Variants in TUT4 observed in about 807,000 individuals in gnomAD.
The protein encoded by TUT4 is terminal uridylyl transferase 4.
Under a neutral mutation model 192.2 loss-of-function variants are expected in TUT4, and 36 were observed. The observed-to-expected ratio is 0.19, with a 90% CI of 0.14 to 0.25. The LOEUF is 0.25. Among genes scored for constraint, TUT4 ranks in the 10% least tolerant of loss-of-function variants. TUT4 has a pLI of 1.00. For synonymous variants in TUT4, 618 were observed against 666.0 expected (o/e 0.93, Z 1.11); for missense variants, 1,493 against 1,957.2 (o/e 0.76, Z 4.47).
At position 52,445,800 on chromosome 1, in the gene TUT4, A is replaced by G. The variant is rs138145860; in HGVS notation, c.3809T>C (p.Ile1270Thr). ...KLFGTPFYPL[I>T]GREAEYFFDS... ...ATGTAAACTTACAGCTTCTCTGCCA[A>G]TGAGTGGATAAAAAGGGGTACCAAA... Residue 1270 changes from isoleucine to threonine, a missense_variant, in exon 24 of 30, where the codon ATT (isoleucine) becomes ACT (threonine). Transcript: ENST00000257177. 42 of 1,609,492 alleles carry G rather than the reference A, an allele frequency of 2.6e-5. 1 individual carries two copies. The East Asian group carries it at 9.2e-4, about 35-fold the overall frequency.
At chr1:52,498,286 G>T (rs891908761) in intron 4 of TUT4, among the ~76,000 whole-genome samples, 2 of 136,682 alleles carry the variant, frequency 1.5e-5, no homozygotes, top group Admixed American at 8.0e-5. Context: ...CTGTCGCCCC[G>T]GCTGGAGTGC....
intron 4 of TUT4, among the ~76,000 whole-genome samples, chr1:52,498,435 G>A (rs964526067): frequency 6.6e-6 from 1 of 151,622 alleles, no homozygotes; most frequent in Non-Finnish European, 1.5e-5. Context: ...TAGTAGAGAT[G>A]GGGTTTCACC....
Position 52,458,460 on chromosome 1 carries a change from A to G in TUT4, c.3322-11T>C. The stretch of plus-strand genomic sequence containing the variant: ...CCCAATGTCACATCGCTAAAAAACA[A>G]CATGATTGAAAACAAAACTTCAGAG... On this transcript the variant is annotated splice_polypyrimidine_tract_variant and intron_variant, in intron 19 of 29. Coordinates refer to ENST00000257177, the MANE Select transcript of TUT4 (RefSeq NM_001009881.3). 2 of 1,597,840 alleles carry G rather than the reference A, an allele frequency of 1.3e-6. No individual in the cohort carries two copies. Among genetic ancestry groups the G allele is most frequent in the Non-Finnish European group, 1.7e-6 (2 of 1,167,648 alleles).
At chr1:52,430,027 T>G (rs898250003) in intron 28 of TUT4, among the ~76,000 whole-genome samples, 50 of 150,296 alleles carry the variant, frequency 3.3e-4, no homozygotes, top group African/African-American at 5.6e-4. Context: ...AAATATGCAG[T>G]TTTTTTTTAA....
intron 1 of TUT4, chr1:52,529,872 C>CTCTG (rs1338159867): frequency 6.6e-6 from 1 of 152,144 alleles, no homozygotes; most frequent in Non-Finnish European, 1.5e-5. Context: ...CATGGTCTTG[C>CTCTG]TCTGTCGTTC....
chr1:52,504,711 T>C (rs971203804), intron 4 of TUT4, among the ~76,000 whole-genome samples: 2 of 151,742 alleles, frequency 1.3e-5, no homozygotes, highest in African/African-American at 4.8e-5. Context: ...AAATGCAAAA[T>C]CAAAACTATC....
At chr1:52,497,532 GA>G (rs1156816343) in intron 4 of TUT4, among the ~76,000 whole-genome samples, 1 of 152,218 alleles carries the variant, frequency 6.6e-6, no homozygotes, top group African/African-American at 2.4e-5. Flanking sequence ...AGATGTAGCA[GA>G]AAAGTCTTGA....
chr1:52,551,703 C>T (rs544762755), intron 1 of TUT4, among the ~76,000 whole-genome samples: 10 of 152,366 alleles, frequency 6.6e-5, no homozygotes, highest in African/African-American at 2.4e-4. Context: ...CACACATACA[C>T]ACACACACAC....
intron 24 of TUT4, among the ~76,000 whole-genome samples, chr1:52,444,666 T>C (rs115588023): frequency 0.022 from 3,218 of 149,286 alleles, 109 homozygotes; most frequent in African/African-American, 0.074. Flanking sequence ...CATAATTTAA[T>C]CATCTTCCAG....
At chr1:52,443,198 G>T (rs1406085271) in intron 24 of TUT4, among the ~76,000 whole-genome samples, 2 of 151,302 alleles carry the variant, frequency 1.3e-5, no homozygotes, top group Non-Finnish European at 2.9e-5. Context: ...CAGGAGAATC[G>T]CTTGAACCTG....
At chr1:52,501,096 A>G (rs1478432201) in intron 4 of TUT4, among the ~76,000 whole-genome samples, 1 of 152,238 alleles carries the variant, frequency 6.6e-6, no homozygotes, top group Non-Finnish European at 1.5e-5. Context: ...CAAAAGTAAA[A>G]GCAGATAAAT....
chr1:52,520,918 G>A (rs758581393), intron 2 of TUT4, among the ~76,000 whole-genome samples: 9 of 151,364 alleles, frequency 5.9e-5, no homozygotes, highest in Admixed American at 2.0e-4. Flanking sequence ...TCAGCCTCCC[G>A]AGTAGCTGGT....
At chr1:52,450,975 CAG>C (rs1553165350) in intron 20 of TUT4, among the ~76,000 whole-genome samples, 1 of 152,024 alleles carries the variant, frequency 6.6e-6, no homozygotes, top group Non-Finnish European at 1.5e-5. Context: ...TATAATAATA[CAG>C]AGAGTAGGCT....
At chr1:52,520,422 T>C (rs72903697) in intron 2 of TUT4, among the ~76,000 whole-genome samples, 9,356 of 152,268 alleles carry the variant, frequency 0.061, 313 homozygotes, top group South Asian at 0.086. Flanking sequence ...GCAGGCTGCT[T>C]GAAAGCATTA....
chr1:52,455,416 T>C (rs1309387889), intron 20 of TUT4, among the ~76,000 whole-genome samples: 2 of 151,918 alleles, frequency 1.3e-5, no homozygotes, highest in African/African-American at 2.4e-5. Context: ...GAGACCAGCC[T>C]GAGCAACATG....
intron 3 of TUT4, chr1:52,515,532 G>C (rs1227749718): frequency 8.7e-6 from 3 of 345,946 alleles, no homozygotes; most frequent in African/African-American, 6.3e-5. Context: ...TAGCATGAAA[G>C]TAGCCATAAA....
At position 52,467,033 on chromosome 1, in the gene TUT4, G is replaced by A. The variant is rs567104706; in HGVS notation, c.2965+1148C>T. Among the ~76,000 whole-genome samples, 183 of 152,092 alleles carry A rather than the reference G, an allele frequency of 1.2e-3. 1 individual carries two copies. Among genetic ancestry groups the A allele is most frequent in the Non-Finnish European group, 2.2e-3 (149 of 67,970 alleles). On this transcript the variant is annotated intron_variant, in intron 15 of 29. Coordinates refer to ENST00000257177, the MANE Select transcript of TUT4 (RefSeq NM_001009881.3). ...GGTGGCACACACCTGTAGTCCTAAC[G>A]ACTTGGGAGGCTAAGGCAGGAGGAT...
chr1:52,435,290 G>A, intron 27 of TUT4, 75 bp downstream of exon 27: 4 of 1,227,472 alleles, frequency 3.3e-6, no homozygotes, highest in Non-Finnish European at 4.7e-6. Context: ...GCCAGTCTGA[G>A]AGAAAACACT....
intron 10 of TUT4, 60 bp downstream of exon 10, chr1:52,481,744 T>C (rs911094214): frequency 1.2e-5 from 19 of 1,546,546 alleles, no homozygotes; most frequent in Non-Finnish European, 1.4e-5. Context: ...TTGAGCAGAG[T>C]TCTCTGCAAG....
Sources: gnomAD v4.1 joint callset for allele counts (sites outside exome capture counted in the v4.1 genomes callset) on GRCh38, gnomAD v4.1.1 for gene constraint, MANE v1.5 for transcripts, NCBI Gene and HGNC (gene_info 2026-07-23, HGNC 2026-07-21) for gene names.